MYO3B: variants seen among roughly 807,000 people sequenced by gnomAD.
MYO3B encodes the protein myosin-IIIb.
In MYO3B, 156 loss-of-function variants were observed where a neutral mutation model predicts 174.6. The ratio of observed to expected loss-of-function variants is 0.89; its 90% CI spans 0.78 to 1.02. The LOEUF (loss-of-function observed/expected upper bound fraction) is 1.02. MYO3B is among the 50% of genes least tolerant of loss of function. The pLI is 0.00. For missense variants in MYO3B, 1,632 were observed against 1,639.4 expected (o/e 1.00, Z 0.08); for synonymous variants, 563 against 569.1 (o/e 0.99, Z 0.15).
At chr2:170,382,645 G>A (rs1207086688) in intron 10 of MYO3B, 1 of 174,532 alleles carries the variant, frequency 5.7e-6, no homozygotes, top group Non-Finnish European at 1.2e-5. Flanking sequence ...GTAATACAAA[G>A]TGGTTAATTC....
chr2:170,219,300 G>A (rs2092865601), intron 6 of MYO3B, among the ~76,000 whole-genome samples: 1 of 152,166 alleles, frequency 6.6e-6, no homozygotes, highest in Non-Finnish European at 1.5e-5. Flanking sequence ...AGGGACTTGG[G>A]ATGCCTAAGC....
Position 170,405,167 on chromosome 2 carries a change from A to G in MYO3B, c.2432-378A>G, listed in dbSNP as rs188049808. On this transcript the variant is annotated intron_variant, in intron 20 of 34. Transcript: ENST00000408978. ...TGATTTGTGGCAGAGATTCACTTTT[A>G]TGAGTTGAAATTATAACCCTCAGTG... Among the ~76,000 whole-genome samples the G allele has an allele frequency of 2.0e-5, 3 of 152,336 alleles. No homozygotes were observed. The East Asian group carries it at 5.8e-4, about 29-fold the overall frequency.
chr2:170,540,952 G>C (rs1202990123), intron 30 of MYO3B, among the ~76,000 whole-genome samples: 1 of 152,136 alleles, frequency 6.6e-6, no homozygotes, highest in Non-Finnish European at 1.5e-5. Context: ...GGCTAATCTA[G>C]TATTTTCTAA....
chr2:170,490,918 C>T (rs1324892500), intron 25 of MYO3B, among the ~76,000 whole-genome samples: 1 of 152,038 alleles, frequency 6.6e-6, no homozygotes, highest in Non-Finnish European at 1.5e-5. Flanking sequence ...CAATCTCATA[C>T]CTAATATTGG....
intron 22 of MYO3B, among the ~76,000 whole-genome samples, chr2:170,430,535 C>A (rs2094700809): frequency 6.6e-6 from 1 of 152,042 alleles, no homozygotes; most frequent in South Asian, 2.1e-4. Context: ...CCATGCCCAG[C>A]TTATTTTTGT....
chr2:170,573,254 T>C (rs1348543395), intron 32 of MYO3B, among the ~76,000 whole-genome samples: 1 of 151,128 alleles, frequency 6.6e-6, no homozygotes, highest in Non-Finnish European at 1.5e-5. Context: ...TATATATGTA[T>C]GCTATGTTGT....
At chr2:170,448,423 G>A (rs577936653) in intron 23 of MYO3B, among the ~76,000 whole-genome samples, 104 of 152,258 alleles carry the variant, frequency 6.8e-4, no homozygotes, top group Middle Eastern at 3.4e-3. Context: ...GATGGAAAAA[G>A]GATGAAGACC....
intron 7 of MYO3B, among the ~76,000 whole-genome samples, chr2:170,318,529 T>C (rs1176288587): frequency 2.0e-5 from 3 of 152,188 alleles, no homozygotes; most frequent in Non-Finnish European, 4.4e-5. Flanking sequence ...GCTAGGATGC[T>C]GATGTGGTTA....
At chr2:170,459,665 G>T (rs1684133811) in intron 23 of MYO3B, among the ~76,000 whole-genome samples, 1 of 152,162 alleles carries the variant, frequency 6.6e-6, no homozygotes, top group Non-Finnish European at 1.5e-5. Context: ...GGGACCGGGC[G>T]CCATGGAGCA....
chr2:170,365,144 C>T (rs777910402), intron 8 of MYO3B, among the ~76,000 whole-genome samples: 3 of 152,268 alleles, frequency 2.0e-5, no homozygotes, highest in Admixed American at 6.5e-5. Context: ...TTGTTTCGTA[C>T]GTTGTACCTT....
At chr2:170,314,546 A>G (rs1051026270) in intron 7 of MYO3B, among the ~76,000 whole-genome samples, 9 of 152,210 alleles carry the variant, frequency 5.9e-5, no homozygotes, top group Admixed American at 3.3e-4. Flanking sequence ...GTGGACAGAA[A>G]ACATCACTAA....
chr2:170,494,423 G>A (rs1326965729), intron 25 of MYO3B, among the ~76,000 whole-genome samples: 1 of 152,066 alleles, frequency 6.6e-6, no homozygotes, highest in Non-Finnish European at 1.5e-5. Flanking sequence ...TTTGGTCCTC[G>A]AGGGCCATCA....
Position 170,383,726 on chromosome 2 carries a change from A to G in MYO3B, c.1202A>G (p.His401Arg). Residue 401 changes from histidine to arginine, a missense_variant, in exon 12 of 35, where the codon CAT becomes CGT. Coordinates refer to ENST00000408978, the MANE Select transcript of MYO3B (RefSeq NM_138995.5). ...TTCCTTCAGTTTTCCAGACTTTATC[A>G]TGGGGTGAAACGCGCCTCCAATCCC... ...IYSPQFSRLY[H>R]GVKRASNPPH... 3 of 1,613,398 alleles carry G rather than the reference A, an allele frequency of 1.9e-6. No homozygotes were observed. The highest frequency in any genetic ancestry group is 2.2e-5 in the South Asian group (2 of 91,074).
chr2:170,198,077 A>G (rs1471445176), intron 1 of MYO3B, among the ~76,000 whole-genome samples: 6 of 149,818 alleles, frequency 4.0e-5, no homozygotes, highest in Non-Finnish European at 5.9e-5. Flanking sequence ...TGGGTGAATG[A>G]TCAGAAATTT....
At chr2:170,578,431 T>A (rs1453916461) in intron 32 of MYO3B, among the ~76,000 whole-genome samples, 1 of 152,264 alleles carries the variant, frequency 6.6e-6, no homozygotes, top group Non-Finnish European at 1.5e-5. Context: ...TGAGTTTCTA[T>A]GAAGTACTTT....
chr2:170,529,362 TA>T (rs113651791), intron 30 of MYO3B, among the ~76,000 whole-genome samples: 2,328 of 148,464 alleles, frequency 0.016, 46 homozygotes, highest in East Asian at 0.05. Context: ...AAATAAAAGT[TA>T]AAAAAAAAAA....
At chr2:170,428,992 C>G (rs916343162) in intron 22 of MYO3B, among the ~76,000 whole-genome samples, 4 of 152,212 alleles carry the variant, frequency 2.6e-5, no homozygotes, top group Admixed American at 1.3e-4. Context: ...TAGTTCCAAG[C>G]ACTGAATCAT....
At chr2:170,327,241 T>C (rs1363249947) in intron 7 of MYO3B, among the ~76,000 whole-genome samples, 4 of 152,216 alleles carry the variant, frequency 2.6e-5, no homozygotes, top group East Asian at 1.9e-4. Context: ...AAAAATTAGC[T>C]GGGTGTGATG....
At position 170,440,743 on chromosome 2, in the gene MYO3B, ACT is replaced by A. The variant is rs1403678768; in HGVS notation, c.2651-3221_2651-3220del. On this transcript the variant is annotated intron_variant, in intron 22 of 34. Transcript: ENST00000408978. ...ACTTCAGCCAGGGCAACAGAGTGAG[ACT>A]CTGTCTGAAAAAACAACAGCAACAA... Among the ~76,000 whole-genome samples the A allele has an allele frequency of 1.1e-4, 16 of 146,842 alleles. No individual in the cohort carries two copies. The Admixed American group carries it at 1.1e-3, about 10-fold the overall frequency.
Sources: gnomAD v4.1 joint callset for allele counts (sites outside exome capture counted in the v4.1 genomes callset) on GRCh38, gnomAD v4.1.1 for gene constraint, MANE v1.5 for transcripts, NCBI Gene and HGNC (gene_info 2026-07-23, HGNC 2026-07-21) for gene names.